The following MXI1 variants were observed in gnomAD, a reference collection of about 807,000 sequenced individuals.
MXI1 encodes max-interacting protein 1.
In MXI1, 18 loss-of-function variants were observed where a neutral mutation model predicts 36.9. The ratio of observed to expected loss-of-function variants is 0.49; its 90% CI spans 0.34 to 0.72. The LOEUF (loss-of-function observed/expected upper bound fraction) is 0.72. Ranked by LOEUF, MXI1 falls within the 30% of genes least tolerant of loss-of-function variation. MXI1 has a pLI of 0.01. For synonymous variants in MXI1, 160 were observed against 146.7 expected (o/e 1.09, Z -0.65); for missense variants, 304 against 379.1 (o/e 0.80, Z 1.64).
intron 2 of MXI1, among the ~76,000 whole-genome samples, chr10:110,236,134 T>G (rs1855464431): frequency 7.6e-5 from 7 of 91,812 alleles, no homozygotes; most frequent in African/African-American, 3.7e-4. Flanking sequence ...CTTTTTTTTT[T>G]TTTTTTTTTT....
intron 3 of MXI1, among the ~76,000 whole-genome samples, chr10:110,254,615 A>G (rs1856218806): frequency 6.6e-6 from 1 of 152,160 alleles, no homozygotes; most frequent in African/African-American, 2.4e-5. Context: ...TGCAAAGGGA[A>G]AGTTCTTAAA....
At chr10:110,239,199 C>T (rs1855577887) in intron 2 of MXI1, among the ~76,000 whole-genome samples, 1 of 152,188 alleles carries the variant, frequency 6.6e-6, no homozygotes, top group African/African-American at 2.4e-5. Flanking sequence ...AGCATCTCCT[C>T]ACAAAATGCC....
At chr10:110,250,573 G>A (rs1856041796) in intron 3 of MXI1, among the ~76,000 whole-genome samples, 1 of 152,092 alleles carries the variant, frequency 6.6e-6, no homozygotes, top group Admixed American at 6.6e-5. Flanking sequence ...GCTCATGCCT[G>A]TAATCCCAAC....
At chr10:110,230,704 A>G (rs894331150) in intron 2 of MXI1, among the ~76,000 whole-genome samples, 3 of 152,214 alleles carry the variant, frequency 2.0e-5, no homozygotes, top group Non-Finnish European at 4.4e-5. Context: ...TTTGGACAAT[A>G]GTGTTGGTCC....
chr10:110,273,164 C>T (rs577446658), intron 3 of MXI1, among the ~76,000 whole-genome samples: 4 of 150,552 alleles, frequency 2.7e-5, no homozygotes, highest in African/African-American at 9.8e-5. Flanking sequence ...TCTCCTGCTT[C>T]GGCCTCCCAA....
intron 1 of MXI1, chr10:110,226,035 C>T (rs1854954302): frequency 1.0e-6 from 1 of 980,722 alleles, no homozygotes; most frequent in Non-Finnish European, 1.2e-6. Context: ...ACGGCGGGCG[C>T]GGCTGGCGCG....
At chr10:110,231,371 C>G (rs4917555) in intron 2 of MXI1, among the ~76,000 whole-genome samples, 10 of 149,622 alleles carry the variant, frequency 6.7e-5, no homozygotes, top group South Asian at 6.4e-4. Flanking sequence ...CACCCCCCCC[C>G]CCTCAAAAAA....
At chr10:110,235,197 A>G (rs1039296198) in intron 2 of MXI1, among the ~76,000 whole-genome samples, 1 of 152,240 alleles carries the variant, frequency 6.6e-6, no homozygotes, top group Non-Finnish European at 1.5e-5. Context: ...ACAGCAGATT[A>G]ATATGCCAGA....
chr10:110,252,802 T>C (rs1295051272), intron 3 of MXI1, among the ~76,000 whole-genome samples: 1 of 152,118 alleles, frequency 6.6e-6, no homozygotes, highest in Non-Finnish European at 1.5e-5. Context: ...TGAAAAGTGA[T>C]GAAGATATAT....
chr10:110,278,823 T>G (rs1857136395), intron 3 of MXI1, among the ~76,000 whole-genome samples: 1 of 152,130 alleles, frequency 6.6e-6, no homozygotes, highest in South Asian at 2.1e-4. Flanking sequence ...TGAAAACCTC[T>G]CCTCTCGCCT....
chr10:110,280,067 C>G lies in MXI1; in HGVS notation c.706C>G (p.Arg236Gly), dbSNP rs914380903. 2 of 1,589,618 alleles carry G rather than the reference C, an allele frequency of 1.3e-6. No homozygotes were observed. Among genetic ancestry groups the G allele is most frequent in the Non-Finnish European group, 1.7e-6 (2 of 1,167,098 alleles). ...DSIGSTISSD[R>G]SDSEREEIEV... ...CATTGGATCAACTATTTCTTCAGAT[C>G]GTTCTGATTCAGAGCGAGGTAGGCA... Residue 236 changes from arginine (R) to glycine (G), a missense_variant, in exon 5 of 6, where the codon CGT (arginine) becomes GGT (glycine). Arg to Gly is a moderately radical substitution (Grantham distance 125, BLOSUM62 -2). Around this residue, in one of 2 missense-constraint regions of MXI1, gnomAD observed 125 missense variants for 194.3 expected, o/e 0.64. Transcript: ENST00000332674.
intron 2 of MXI1, among the ~76,000 whole-genome samples, chr10:110,234,234 T>G (rs1023365227): frequency 2.6e-5 from 4 of 152,188 alleles, no homozygotes; most frequent in African/African-American, 9.6e-5. Context: ...TGCCTGCTTT[T>G]GAATATAGCA....
At chr10:110,231,567 G>C (rs1855262537) in intron 2 of MXI1, among the ~76,000 whole-genome samples, 1 of 152,128 alleles carries the variant, frequency 6.6e-6, no homozygotes, top group Non-Finnish European at 1.5e-5. Flanking sequence ...GGATCCTTCT[G>C]ATAGTTGGAA....
At chr10:110,243,692 A>G (rs1855754058) in intron 2 of MXI1, among the ~76,000 whole-genome samples, 1 of 152,146 alleles carries the variant, frequency 6.6e-6, no homozygotes, top group African/African-American at 2.4e-5. Flanking sequence ...ATTCTAGGGA[A>G]CTAGTATAAC....
chr10:110,274,697 A>G (rs1219349996), intron 3 of MXI1, among the ~76,000 whole-genome samples: 4 of 152,148 alleles, frequency 2.6e-5, no homozygotes, highest in South Asian at 2.1e-4. Flanking sequence ...AATGTTCATC[A>G]TAATATTCAG....
At chr10:110,217,743 G>A (rs900530348) in intron 1 of MXI1, among the ~76,000 whole-genome samples, 1 of 152,182 alleles carries the variant, frequency 6.6e-6, no homozygotes, top group African/African-American at 2.4e-5. Context: ...CCAGTTCCAG[G>A]TCTATCTTCT....
In MXI1 at chr10:110,214,042, A is replaced by G. The variant is rs1854569610; in HGVS notation, c.274+5960A>G. On this transcript the variant is annotated intron_variant, in intron 1 of 5. Coordinates refer to ENST00000332674, the MANE Select transcript of MXI1 (RefSeq NM_130439.3). ...TTTACGGAGGAGGGAACTGAGGAGC[A>G]GGGATGCCAGGTAATTTGCCCAAAG... Among the ~76,000 whole-genome samples, 5 of 152,392 alleles carry G rather than the reference A, an allele frequency of 3.3e-5. No individual in the cohort carries two copies. The South Asian group carries it at 1.0e-3, about 32-fold the overall frequency.
chr10:110,207,720 C>G lies in MXI1; in HGVS notation c.-89C>G, dbSNP rs968468367. 40 of 936,692 alleles carry G rather than the reference C, an allele frequency of 4.3e-5. No individual in the cohort carries two copies. Among genetic ancestry groups the G allele is most frequent in the Middle Eastern group, 1.0e-3 (2 of 2,010 alleles). 58.0% of individuals were successfully genotyped at this position (936,692 alleles called of 1,614,324 possible). On this transcript the variant is annotated 5_prime_UTR_variant, in exon 1 of 6. Coordinates refer to ENST00000332674, the MANE Select transcript of MXI1 (RefSeq NM_130439.3). Reference sequence around the variant, plus strand: ...TTTTCGCCCCGGCGCCTTCTCTGCTCCAGCCGGCCGGGTCTCCCTGGGGGC... The same window carrying G: ...TTTTCGCCCCGGCGCCTTCTCTGCTGCAGCCGGCCGGGTCTCCCTGGGGGC...
At chr10:110,236,244 G>A (rs1855473457) in intron 2 of MXI1, among the ~76,000 whole-genome samples, 1 of 132,346 alleles carries the variant, frequency 7.6e-6, no homozygotes, top group South Asian at 2.5e-4. Context: ...GCACCTTTGT[G>A]AAAATCAGTT....
Sources: allele counts gnomAD v4.1 joint callset (sites outside exome capture counted in the v4.1 genomes callset), GRCh38; gene constraint gnomAD v4.1.1; regional missense constraint gnomAD v4.1.1; transcripts MANE v1.5; gene names NCBI Gene and HGNC (gene_info 2026-07-23, HGNC 2026-07-21).